Variants in DIAPH3 observed in about 807,000 individuals in gnomAD.
The protein encoded by DIAPH3 is diaphanous related formin 3.
Under a neutral mutation model 144.3 loss-of-function variants are expected in DIAPH3, and 117 were observed. The ratio of observed to expected loss-of-function variants is 0.81; its 90% CI spans 0.70 to 0.95. The LOEUF is 0.95. Among genes scored for constraint, DIAPH3 ranks in the 40% least tolerant of loss-of-function variants. DIAPH3 has a pLI of 0.00. For missense variants in DIAPH3, 1,421 were observed against 1,412.7 expected, an observed-to-expected ratio of 1.01 and a Z score of -0.09; for synonymous variants, 519 against 488.9, an observed-to-expected ratio of 1.06 and a Z score of -0.81.
At chr13:59,874,626 G>C (rs1368085748) in intron 21 of DIAPH3, among the ~76,000 whole-genome samples, 1 of 152,056 alleles carries the variant, frequency 6.6e-6, no homozygotes, top group Non-Finnish European at 1.5e-5. Context: ...ATATTCTACT[G>C]CCATAGAAAA....
intron 1 of DIAPH3, among the ~76,000 whole-genome samples, chr13:60,150,191 T>C (rs907188623): frequency 1.3e-5 from 2 of 151,890 alleles, no homozygotes; most frequent in Non-Finnish European, 2.9e-5. Context: ...CAGGCTAACG[T>C]TTTTGTATTT....
intron 4 of DIAPH3, among the ~76,000 whole-genome samples, chr13:60,058,772 G>A (rs74336619): frequency 1.9e-3 from 283 of 152,058 alleles, no homozygotes; most frequent in African/African-American, 6.3e-3. Context: ...TGGATCTGGA[G>A]GCCATGATTC....
intron 17 of DIAPH3, among the ~76,000 whole-genome samples, chr13:59,925,675 T>C (rs1291220820): frequency 6.6e-6 from 1 of 152,174 alleles, no homozygotes; most frequent in Non-Finnish European, 1.5e-5. Context: ...AGTGAAGCCA[T>C]CCAGTCTTGT....
At chr13:60,025,934 A>G (rs913533694) in intron 5 of DIAPH3, among the ~76,000 whole-genome samples, 2 of 152,148 alleles carry the variant, frequency 1.3e-5, no homozygotes, top group Non-Finnish European at 2.9e-5. Flanking sequence ...ACAAAACCAA[A>G]CTTAAAGAAA....
chr13:59,871,591 G>A (rs1340910111), intron 21 of DIAPH3, among the ~76,000 whole-genome samples: 1 of 152,074 alleles, frequency 6.6e-6, no homozygotes, highest in East Asian at 1.9e-4. Context: ...TACATTAATG[G>A]ATTTTCAAAT....
At chr13:59,841,063 T>C (rs1054826003) in intron 22 of DIAPH3, among the ~76,000 whole-genome samples, 1 of 152,174 alleles carries the variant, frequency 6.6e-6, no homozygotes, top group Non-Finnish European at 1.5e-5. Context: ...ACCAAGATTC[T>C]ATTTGATTAG....
chr13:59,955,130 G>A (rs1395257248), intron 17 of DIAPH3, among the ~76,000 whole-genome samples: 1 of 149,950 alleles, frequency 6.7e-6, no homozygotes, highest in Non-Finnish European at 1.5e-5. Flanking sequence ...ATATATATTT[G>A]TATTTGTATT....
At chr13:59,695,738 G>A (rs1203316757) in intron 27 of DIAPH3, among the ~76,000 whole-genome samples, 2 of 152,112 alleles carry the variant, frequency 1.3e-5, no homozygotes, top group Non-Finnish European at 2.9e-5. Flanking sequence ...TAAGAAGTTA[G>A]TACTAAAACT....
At chr13:60,029,614 C>A (rs1483821492) in intron 5 of DIAPH3, among the ~76,000 whole-genome samples, 1 of 152,326 alleles carries the variant, frequency 6.6e-6, no homozygotes, top group East Asian at 1.9e-4. Context: ...TCCTGCCACC[C>A]TGTGAAGAAG....
intron 17 of DIAPH3, among the ~76,000 whole-genome samples, chr13:59,958,562 G>A (rs1321214576): frequency 1.3e-5 from 2 of 151,690 alleles, no homozygotes; most frequent in Admixed American, 6.6e-5. Flanking sequence ...GGCTCTTTAG[G>A]TTTATAGAAA....
At chr13:59,950,842 T>A (rs777397630) in intron 17 of DIAPH3, among the ~76,000 whole-genome samples, 36 of 152,012 alleles carry the variant, frequency 2.4e-4, no homozygotes, top group African/African-American at 3.1e-4. Context: ...ATATATATAT[T>A]GTTATTTACT....
chr13:60,123,479 T>C (rs186789683), intron 2 of DIAPH3, among the ~76,000 whole-genome samples: 2 of 152,270 alleles, frequency 1.3e-5, no homozygotes, highest in African/African-American at 4.8e-5. Flanking sequence ...GAGGAGGAGC[T>C]CTCTAAACTA....
chr13:59,755,813 G>T (rs927153791), intron 27 of DIAPH3, among the ~76,000 whole-genome samples: 4 of 152,044 alleles, frequency 2.6e-5, no homozygotes, highest in Admixed American at 6.6e-5. Flanking sequence ...TGTGGCCAAG[G>T]TTCAGAATAC....
At chr13:59,734,120 A>G (rs550894829) in intron 27 of DIAPH3, among the ~76,000 whole-genome samples, 4 of 152,312 alleles carry the variant, frequency 2.6e-5, no homozygotes, top group Non-Finnish European at 4.4e-5. Context: ...AAAACTATTT[A>G]TTTATATTCT....
At chr13:60,076,334 C>A (rs551257283) in intron 4 of DIAPH3, among the ~76,000 whole-genome samples, 4 of 152,096 alleles carry the variant, frequency 2.6e-5, no homozygotes, top group Non-Finnish European at 5.9e-5. Context: ...CCGAAGAAAC[C>A]CCCTCTGTCG....
intron 4 of DIAPH3, among the ~76,000 whole-genome samples, chr13:60,092,630 G>A (rs9563785): frequency 0.063 from 9,494 of 151,888 alleles, 456 homozygotes; most frequent in East Asian, 0.28. Flanking sequence ...CAGCCTGGGC[G>A]ACAGAGTGAG....
rs556293214 is a variant in DIAPH3, at chr13:59,865,264, T to C, written c.2608-3728A>G. On this transcript the variant is annotated intron_variant, in intron 21 of 27. Coordinates refer to ENST00000400324, the MANE Select transcript of DIAPH3 (RefSeq NM_001042517.2). The stretch of plus-strand genomic sequence containing the variant: ...CATTTCATTAATGAAAATTACCAAC[T>C]AAAAAGGCACATTCTACTCCTACTC... Among the ~76,000 whole-genome samples, 39 of 152,080 alleles carry C rather than the reference T, an allele frequency of 2.6e-4. 1 individual carries two copies. The highest frequency in any genetic ancestry group is 3.4e-3 in the Middle Eastern group (1 of 294).
intron 4 of DIAPH3, among the ~76,000 whole-genome samples, chr13:60,070,586 G>A (rs531614104): frequency 2.2e-4 from 33 of 152,146 alleles, no homozygotes; most frequent in South Asian, 4.2e-4. Flanking sequence ...CCCTGGCATC[G>A]GACTTCATTC....
intron 20 of DIAPH3, among the ~76,000 whole-genome samples, chr13:59,887,811 C>T (rs1292484183): frequency 6.6e-6 from 1 of 151,940 alleles, no homozygotes; most frequent in Non-Finnish European, 1.5e-5. Context: ...GTTAAAGTCT[C>T]ATTATGATTG....
Sources: gnomAD v4.1 joint callset for allele counts (sites outside exome capture counted in the v4.1 genomes callset) on GRCh38, gnomAD v4.1.1 for gene constraint, MANE v1.5 for transcripts, NCBI Gene and HGNC (gene_info 2026-07-23, HGNC 2026-07-21) for gene names.